ACBD6: variants seen among roughly 807,000 people sequenced by gnomAD.
The protein encoded by ACBD6 is acyl-CoA binding domain containing 6.
ACBD6 carries 28 observed loss-of-function variants against 37.2 expected under a neutral mutation model. That is an observed-to-expected ratio of 0.75 (90% CI 0.56 to 1.03). ACBD6 has a LOEUF of 1.03. Among genes scored for constraint, ACBD6 ranks in the 50% least tolerant of loss-of-function variants. ACBD6 has a pLI of 0.00. For synonymous variants in ACBD6, 113 were observed against 126.8 expected (o/e 0.89, Z 0.73); for missense variants, 340 against 337.4 (o/e 1.01, Z -0.06).
At chr1:180,323,557 T>A (rs2149296127) in intron 6 of ACBD6, among the ~76,000 whole-genome samples, 1 of 152,162 alleles carries the variant, frequency 6.6e-6, no homozygotes, top group Non-Finnish European at 1.5e-5. Flanking sequence ...TCTAATAATA[T>A]TTCCTTTATG....
At chr1:180,313,363 C>T (rs1474369167) in intron 7 of ACBD6, among the ~76,000 whole-genome samples, 2 of 152,156 alleles carry the variant, frequency 1.3e-5, no homozygotes, top group African/African-American at 4.8e-5. Flanking sequence ...AGTATAATAG[C>T]TAGTCCAATA....
intron 3 of ACBD6, chr1:180,435,553 G>A (rs1649000367): frequency 1.1e-6 from 1 of 926,580 alleles, no homozygotes; most frequent in Non-Finnish European, 1.7e-6. Flanking sequence ...GCCCAGCCTG[G>A]ATGAATTTTG....
At chr1:180,490,065 T>C (rs927560903) in intron 3 of ACBD6, among the ~76,000 whole-genome samples, 2 of 152,180 alleles carry the variant, frequency 1.3e-5, no homozygotes, top group Non-Finnish European at 2.9e-5. Context: ...AATGCCTTCA[T>C]AGGCCAAGCA....
chr1:180,362,833 C>A (rs182532752), intron 6 of ACBD6, among the ~76,000 whole-genome samples: 1 of 152,114 alleles, frequency 6.6e-6, no homozygotes, highest in African/African-American at 2.4e-5. Context: ...TTTAGAAAAG[C>A]GATTATGTAA....
intron 2 of ACBD6, 110 bp downstream of exon 2, chr1:180,495,349 CAG>C: frequency 3.8e-5 from 29 of 760,730 alleles, no homozygotes; most frequent in East Asian, 7.9e-5. Flanking sequence ...CAATCTACAG[CAG>C]AGAGAGAGAT....
At chr1:180,415,843 CT>C (rs773448783) in intron 4 of ACBD6, among the ~76,000 whole-genome samples, 1 of 152,088 alleles carries the variant, frequency 6.6e-6, no homozygotes, top group Non-Finnish European at 1.5e-5. Context: ...TTTAATGTAT[CT>C]TAAATATGTT....
At chr1:180,376,448 G>A (rs1002451654) in intron 6 of ACBD6, among the ~76,000 whole-genome samples, 4 of 152,204 alleles carry the variant, frequency 2.6e-5, no homozygotes, top group Non-Finnish European at 5.9e-5. Flanking sequence ...CAGAATAGGA[G>A]AGTGTTTCAA....
At position 180,502,043 on chromosome 1, in the gene ACBD6, A is replaced by G; in HGVS notation, c.222+2T>C. 6.2e-7 allele frequency: 1 copy of G among 1,613,078 alleles called. No individual in the cohort carries two copies. The highest frequency in any genetic ancestry group is 8.5e-7 in the Non-Finnish European group (1 of 1,179,634). On this transcript the variant is annotated splice_donor_variant, in intron 1 of 7. Transcript: ENST00000367595. LOFTEE classifies it high-confidence loss of function. ...CCATCCACCCTCTCCCTGCTACTTT[A>G]CCTGTTTGTACCTGGCATACAGGTA...
intron 7 of ACBD6, among the ~76,000 whole-genome samples, chr1:180,296,431 CT>C (rs1233140714): frequency 6.6e-6 from 1 of 152,034 alleles, no homozygotes; most frequent in Admixed American, 6.5e-5. Context: ...AACAGATTTT[CT>C]TTTTTTCTTT....
At chr1:180,468,415 A>AG (rs1485399533) in intron 3 of ACBD6, among the ~76,000 whole-genome samples, 1 of 152,222 alleles carries the variant, frequency 6.6e-6, no homozygotes, top group Admixed American at 6.5e-5. Flanking sequence ...TGGTTTAAGG[A>AG]GGCAAAGAAA....
intron 3 of ACBD6, among the ~76,000 whole-genome samples, chr1:180,458,019 C>G (rs4607831): frequency 0.49 from 73,771 of 151,790 alleles, 20,748 homozygotes; most frequent in South Asian, 0.66. Flanking sequence ...TGGTCTCAAA[C>G]TCCTGACCTC....
At position 180,389,687 on chromosome 1, in the gene ACBD6, C is replaced by T. The variant is rs535818098; in HGVS notation, c.663+7829G>A. Among the ~76,000 whole-genome samples, 1,006 of 152,186 alleles carry T rather than the reference C, an allele frequency of 6.6e-3. 10 individuals carry two copies. Among genetic ancestry groups the T allele is most frequent in the African/African-American group, 0.023 (944 of 41,500 alleles). Reference sequence around the variant, plus strand: ...TGTTGTTTCCTGATTTTTTAATGATCGCCATTCTAACTGGTGTGAGATGGT... The same window carrying T: ...TGTTGTTTCCTGATTTTTTAATGATTGCCATTCTAACTGGTGTGAGATGGT... On this transcript the variant is annotated intron_variant, in intron 6 of 7. Coordinates refer to ENST00000367595, the MANE Select transcript of ACBD6 (RefSeq NM_032360.4).
At chr1:180,492,687 C>T (rs1651554794) in intron 2 of ACBD6, among the ~76,000 whole-genome samples, 1 of 152,096 alleles carries the variant, frequency 6.6e-6, no homozygotes, top group African/African-American at 2.4e-5. Flanking sequence ...ATAATTTCCT[C>T]AAACAAAATT....
intron 6 of ACBD6, among the ~76,000 whole-genome samples, chr1:180,372,637 A>G (rs1653301777): frequency 6.6e-6 from 1 of 152,214 alleles, no homozygotes; most frequent in South Asian, 2.1e-4. Flanking sequence ...GCAATGTGAG[A>G]GAAGCTCCTC....
At chr1:180,481,245 ATT>A (rs55810683) in intron 3 of ACBD6, among the ~76,000 whole-genome samples, 1 of 147,392 alleles carries the variant, frequency 6.8e-6, no homozygotes, top group Non-Finnish European at 1.5e-5. Flanking sequence ...CTTGTTTTTG[ATT>A]TTTTTTTTTT....
At chr1:180,298,329 T>C (rs988782207) in intron 7 of ACBD6, among the ~76,000 whole-genome samples, 1 of 152,228 alleles carries the variant, frequency 6.6e-6, no homozygotes, top group Non-Finnish European at 1.5e-5. Context: ...AAACTTCCCA[T>C]TGTATAAATC....
chr1:180,476,167 A>G (rs1650776216), intron 3 of ACBD6, among the ~76,000 whole-genome samples: 1 of 152,186 alleles, frequency 6.6e-6, no homozygotes, highest in Non-Finnish European at 1.5e-5. Context: ...AGGTAAAATC[A>G]TTTGAGATCT....
chr1:180,501,565 G>A (rs1055426510), intron 1 of ACBD6, among the ~76,000 whole-genome samples: 1 of 152,032 alleles, frequency 6.6e-6, no homozygotes, highest in Admixed American at 6.5e-5. Context: ...TGATCCTCCC[G>A]CCTCGGCCTC....
At chr1:180,468,828 G>T (rs1271662195) in intron 3 of ACBD6, among the ~76,000 whole-genome samples, 3 of 152,144 alleles carry the variant, frequency 2.0e-5, no homozygotes, top group Non-Finnish European at 4.4e-5. Flanking sequence ...GCAAAAACAT[G>T]ACAACTGCCT....
Sources: gnomAD v4.1 joint callset for allele counts (sites outside exome capture counted in the v4.1 genomes callset) on GRCh38, gnomAD v4.1.1 for gene constraint, MANE v1.5 for transcripts, NCBI Gene and HGNC (gene_info 2026-07-23, HGNC 2026-07-21) for gene names.